The following NFAT5 variants were observed in gnomAD, a reference collection of about 807,000 sequenced individuals.
The protein encoded by NFAT5 is nuclear factor of activated T-cells 5.
In NFAT5, 31 loss-of-function variants were observed where a neutral mutation model predicts 166.5. That is an observed-to-expected ratio of 0.19 (90% CI 0.14 to 0.25). The LOEUF (loss-of-function observed/expected upper bound fraction) is 0.25. Among genes scored for constraint, NFAT5 ranks in the 10% least tolerant of loss-of-function variants. The pLI, the probability that NFAT5 is intolerant of heterozygous loss-of-function variation, is 1.00. For synonymous variants in NFAT5, 612 were observed against 639.7 expected (o/e 0.96, Z 0.65); for missense variants, 1,449 against 1,821.8 (o/e 0.80, Z 3.72).
chr16:69,645,265 G>A (rs1405371190), intron 3 of NFAT5, among the ~76,000 whole-genome samples: 1 of 152,112 alleles, frequency 6.6e-6, no homozygotes, highest in Non-Finnish European at 1.5e-5. Context: ...AAATTGATAA[G>A]TTTTCCTTTA....
rs1049123601 is a variant in NFAT5 at position 69,565,977 on chromosome 16, A to C, written c.-325A>C. ...CGGGGGCGGGGCTCAGATTCCTGTC[A>C]GCGGCGGCGGCGGTGGCGGCGACCG... On this transcript the variant is annotated 5_prime_UTR_variant, in exon 1 of 15. Transcript: ENST00000349945. 3.3e-6 allele frequency: 1 copy of C among 303,192 alleles called. No homozygotes were observed. 18.8% of individuals were successfully genotyped at this position (303,192 alleles called of 1,614,324 possible).
rs1373305780 is a variant in NFAT5 at position 69,698,139 on chromosome 16, C to T, written c.*1788C>T. Reference sequence around the variant, plus strand: ...CCTCCACCCCTTTCTTTCTTTCTCTCTCTGATTGAGAGGCATTGAATTACG... The same window carrying T: ...CCTCCACCCCTTTCTTTCTTTCTCTTTCTGATTGAGAGGCATTGAATTACG... On this transcript the variant is annotated 3_prime_UTR_variant, in exon 15 of 15. Transcript: ENST00000349945. The T allele has an allele frequency of 6.6e-6, 1 of 152,078 alleles. No individual in the cohort carries two copies. Among genetic ancestry groups the T allele is most frequent in the Non-Finnish European group, 1.5e-5 (1 of 67,984 alleles). The allele number at this position is 152,078 out of a possible 1,614,324, so 9.4% of individuals were successfully genotyped here. A position where few individuals can be genotyped will look rare whatever the true frequency, so the allele number is the denominator to read the frequency against.
chr16:69,598,247 G>A (rs1350211254), intron 2 of NFAT5, among the ~76,000 whole-genome samples: 1 of 151,828 alleles, frequency 6.6e-6, no homozygotes, highest in Non-Finnish European at 1.5e-5. Flanking sequence ...GCATGGTGGT[G>A]TGTGCCTGCA....
intron 10 of NFAT5, among the ~76,000 whole-genome samples, chr16:69,683,124 T>C (rs1211906289): frequency 6.6e-6 from 1 of 152,104 alleles, no homozygotes; most frequent in Non-Finnish European, 1.5e-5. Flanking sequence ...GGCAGGAGAA[T>C]CGCTTGAACC....
At chr16:69,680,186 C>T (rs1005151137) in intron 10 of NFAT5, among the ~76,000 whole-genome samples, 1 of 152,056 alleles carries the variant, frequency 6.6e-6, no homozygotes, top group Non-Finnish European at 1.5e-5. Flanking sequence ...TAAATATTGA[C>T]ATTTAATGTT....
At chr16:69,635,225 G>A (rs1341405145) in intron 3 of NFAT5, among the ~76,000 whole-genome samples, 1 of 151,750 alleles carries the variant, frequency 6.6e-6, no homozygotes, top group Non-Finnish European at 1.5e-5. Context: ...TGGCCAGGCT[G>A]GTCTTGAACT....
intron 2 of NFAT5, among the ~76,000 whole-genome samples, chr16:69,576,521 A>G (rs1385682879): frequency 6.6e-6 from 1 of 152,166 alleles, no homozygotes; most frequent in Non-Finnish European, 1.5e-5. Context: ...TTAGCAAATC[A>G]TTGCCTGGCT....
chr16:69,611,198 G>A (rs2033689284), intron 2 of NFAT5, among the ~76,000 whole-genome samples: 1 of 152,124 alleles, frequency 6.6e-6, no homozygotes, highest in African/African-American at 2.4e-5. Flanking sequence ...GACATGATTA[G>A]TTTAGAAAGG....
intron 2 of NFAT5, among the ~76,000 whole-genome samples, chr16:69,599,200 T>C (rs2032987703): frequency 8.4e-6 from 1 of 119,612 alleles, no homozygotes; most frequent in Non-Finnish European, 1.7e-5. Flanking sequence ...AATGACTACA[T>C]AACTTTGGGC....
chr16:69,666,185 A>G (rs2036369090), intron 7 of NFAT5, among the ~76,000 whole-genome samples: 1 of 133,570 alleles, frequency 7.5e-6, no homozygotes, highest in Non-Finnish European at 1.6e-5. Context: ...TGGATTAAAG[A>G]CTTAAACGTT....
chr16:69,612,151 T>C (rs1185045600), intron 2 of NFAT5, among the ~76,000 whole-genome samples: 1 of 152,242 alleles, frequency 6.6e-6, no homozygotes, highest in Non-Finnish European at 1.5e-5. Context: ...CTTAGAATTA[T>C]TATCCAGTAG....
intron 5 of NFAT5, 23 bp downstream of exon 5, chr16:69,653,451 G>T: frequency 1.4e-6 from 2 of 1,380,702 alleles, no homozygotes; most frequent in South Asian, 3.2e-5. Flanking sequence ...TTTATCATTT[G>T]AATTTTAGTT....
At position 69,693,009 on chromosome 16, in the gene NFAT5, G is replaced by T; in HGVS notation, c.3184G>T (p.Gly1062Cys). 1 of 1,614,038 alleles carries T rather than the reference G, an allele frequency of 6.2e-7. No homozygotes were observed. Among genetic ancestry groups the T allele is most frequent in the Non-Finnish European group, 8.5e-7 (1 of 1,180,016 alleles). The change falls in exon 13 of 15, where the codon GGT (glycine) becomes TGT (cysteine). Residue 1062 changes from glycine (G) to cysteine (C), a missense_variant. Gly to Cys is a radical substitution (Grantham distance 159). This residue lies in a region of NFAT5 where 891 missense variants were observed against 993.0 expected (regional missense o/e 0.90). Coordinates refer to ENST00000349945, the MANE Select transcript of NFAT5 (RefSeq NM_138713.4). ...TAGTGGTACCCAACAACAAGGTAATGGTTTATTCCAGCAAGGGAATGAGAT... is the reference window on the plus strand; with the variant it reads ...TAGTGGTACCCAACAACAAGGTAATTGTTTATTCCAGCAAGGGAATGAGAT... Reference protein sequence around the residue: ...QNSGTQQQGNGLFQQGNEMMS... With the variant: ...QNSGTQQQGNCLFQQGNEMMS...
intron 11 of NFAT5, 103 bp downstream of exon 11, chr16:69,685,073 G>GC: frequency 1.8e-6 from 1 of 562,296 alleles, no homozygotes; most frequent in South Asian, 3.2e-5. Context: ...ATAATACTTT[G>GC]CAGGGTATCT....
rs1341004424 is a variant in NFAT5, at chr16:69,700,717, G to A, written c.*4366G>A. 6.6e-6 allele frequency: 1 copy of A among 152,076 alleles called. No homozygotes were observed. Among genetic ancestry groups the A allele is most frequent in the African/African-American group, 2.4e-5 (1 of 41,388 alleles). 9.4% of individuals were successfully genotyped at this position (152,076 alleles called of 1,614,324 possible). A position where few individuals can be genotyped will look rare whatever the true frequency, so the allele number is the denominator to read the frequency against. On this transcript the variant is annotated 3_prime_UTR_variant, in exon 15 of 15. Coordinates refer to ENST00000349945, the MANE Select transcript of NFAT5 (RefSeq NM_138713.4). ...ATATCTGCATGCCTTAGACTGTGTGGAGGGACTCCATGAAGAAAGACCATA... is the reference window on the plus strand; with the variant it reads ...ATATCTGCATGCCTTAGACTGTGTGAAGGGACTCCATGAAGAAAGACCATA...
chr16:69,693,736 C>T lies in NFAT5; in HGVS notation c.3911C>T (p.Pro1304Leu), dbSNP rs371803577. The T allele has an allele frequency of 6.2e-7, 1 of 1,614,192 alleles. No homozygotes were observed. The highest frequency in any genetic ancestry group is 8.5e-7 in the Non-Finnish European group (1 of 1,180,026). Residue 1304 changes from proline (P) to leucine (L), a missense_variant, in exon 13 of 15, where the codon CCA becomes CTA. By Grantham distance (98) the Pro-to-Leu change is moderately conservative (BLOSUM62 -3). Around this residue, in one of 7 missense-constraint regions of NFAT5, gnomAD observed 891 missense variants for 993.0 expected, o/e 0.90. Transcript: ENST00000349945. ...ACAATGGCGTCTCCAAAGCAACCAC[C>T]ACCAAACATGATATTCAACCCAAAT... is the stretch of plus-strand genomic sequence containing the variant. Reference protein sequence around the residue: ...MATMASPKQPPPNMIFNPNQN... With the variant: ...MATMASPKQPLPNMIFNPNQN...
chr16:69,599,222 A>AAAAC (rs1555520365), intron 2 of NFAT5, among the ~76,000 whole-genome samples: 1 of 151,844 alleles, frequency 6.6e-6, no homozygotes, highest in African/African-American at 2.4e-5. Context: ...TATACTAAAA[A>AAAAC]CACTGAATCA....
chr16:69,640,148 G>A (rs935806234), intron 3 of NFAT5, among the ~76,000 whole-genome samples: 5 of 152,066 alleles, frequency 3.3e-5, no homozygotes, highest in Middle Eastern at 3.4e-3. Context: ...TTCTAGCTTC[G>A]CCATTCAGAG....
intron 7 of NFAT5, among the ~76,000 whole-genome samples, chr16:69,663,304 T>C (rs1161837655): frequency 6.6e-6 from 1 of 152,210 alleles, no homozygotes; most frequent in Non-Finnish European, 1.5e-5. Context: ...CTTTGTCTTT[T>C]TGTTTTTAAG....
Sources: gnomAD v4.1 joint callset for allele counts (sites outside exome capture counted in the v4.1 genomes callset) on GRCh38, gnomAD v4.1.1 for gene constraint, gnomAD v4.1.1 regional missense constraint, MANE v1.5 for transcripts, NCBI Gene and HGNC (gene_info 2026-07-23, HGNC 2026-07-21) for gene names.